Variants in CSPP1 observed in about 807,000 individuals in gnomAD.
CSPP1 encodes the protein centrosome and spindle pole-associated protein 1.
Under a neutral mutation model 164.4 loss-of-function variants are expected in CSPP1, and 126 were observed. The ratio of observed to expected loss-of-function variants is 0.77; its 90% CI spans 0.66 to 0.89. CSPP1 has a LOEUF of 0.89. CSPP1 is among the 40% of genes least tolerant of loss of function. CSPP1 has a pLI of 0.00. For synonymous variants in CSPP1, 472 were observed against 476.7 expected, an observed-to-expected ratio of 0.99 and a Z score of 0.13; for missense variants, 1,395 against 1,449.8, an observed-to-expected ratio of 0.96 and a Z score of 0.61.
chr8:67,175,673 A>G, intron 26 of CSPP1: 1 of 632,146 alleles, frequency 1.6e-6, no homozygotes, highest in Non-Finnish European at 2.9e-6. Context: ...CACTGTAGCC[A>G]GGAGGACTGA....
intron 4 of CSPP1, among the ~76,000 whole-genome samples, chr8:67,088,305 T>A (rs149507010): frequency 0.023 from 3,500 of 152,060 alleles, 149 homozygotes; most frequent in African/African-American, 0.08. Flanking sequence ...GGTTTTTTTT[T>A]GAGACAGAGT....
chr8:67,158,424 A>T (rs1827080698), intron 19 of CSPP1, 23 bp from the exon 20 acceptor site: 2 of 1,548,776 alleles, frequency 1.3e-6, no homozygotes, highest in South Asian at 2.4e-5. Context: ...TTACAAGATA[A>T]ATAACTAAGT....
At chr8:67,170,227 C>T (rs994295255) in intron 24 of CSPP1, among the ~76,000 whole-genome samples, 2 of 151,070 alleles carry the variant, frequency 1.3e-5, no homozygotes, top group African/African-American at 4.9e-5. Flanking sequence ...GATGGATCAC[C>T]TGAGGTCAGG....
chr8:67,105,528 C>G (rs754580830), intron 8 of CSPP1, among the ~76,000 whole-genome samples: 4 of 151,936 alleles, frequency 2.6e-5, no homozygotes, highest in Non-Finnish European at 5.9e-5. Flanking sequence ...TTACAGGCCT[C>G]CACCACTGCA....
chr8:67,133,523 A>G (rs1003263505), intron 16 of CSPP1: 1 of 152,232 alleles, frequency 6.6e-6, no homozygotes, highest in Non-Finnish European at 1.5e-5. Flanking sequence ...AAAATACTGT[A>G]TTGCTAAAAA....
chr8:67,167,524 C>T (rs1462586496), intron 24 of CSPP1, among the ~76,000 whole-genome samples: 1 of 151,544 alleles, frequency 6.6e-6, no homozygotes, highest in Non-Finnish European at 1.5e-5. Context: ...GGCGGAGGGG[C>T]TCCTCACTTC....
At chr8:67,113,909 T>A in intron 11 of CSPP1, 47 bp downstream of exon 11, 1 of 1,149,492 alleles carries the variant, frequency 8.7e-7, no homozygotes, top group South Asian at 1.3e-5. Flanking sequence ...CATCAAATGA[T>A]CCTCAAATGT....
chr8:67,065,607 T>G (rs932707215), intron 1 of CSPP1: 2 of 592,672 alleles, frequency 3.4e-6, no homozygotes, highest in African/African-American at 4.0e-5. Context: ...AAATGTCTGC[T>G]GAAATGCTCC....
At chr8:67,078,416 A>ACTGCAAC (rs1310815807) in intron 3 of CSPP1, among the ~76,000 whole-genome samples, 1 of 151,942 alleles carries the variant, frequency 6.6e-6, no homozygotes, top group Non-Finnish European at 1.5e-5. Flanking sequence ...ATCTTGGCTC[A>ACTGCAAC]CTGCAACCTC....
chr8:67,065,808 C>T (rs1341279421), intron 1 of CSPP1, among the ~76,000 whole-genome samples: 4 of 152,152 alleles, frequency 2.6e-5, no homozygotes, highest in Admixed American at 2.0e-4. Flanking sequence ...GAATTACGGC[C>T]CTGAGCCATT....
intron 1 of CSPP1, among the ~76,000 whole-genome samples, chr8:67,070,861 C>T (rs770452818): frequency 4.6e-5 from 7 of 151,590 alleles, no homozygotes; most frequent in Admixed American, 1.3e-4. Flanking sequence ...TGATCCAATC[C>T]TCCTGCCTCA....
chr8:67,194,529 T>C (rs1161001345), intron 30 of CSPP1, among the ~76,000 whole-genome samples: 2 of 152,168 alleles, frequency 1.3e-5, no homozygotes, highest in African/African-American at 4.8e-5. Flanking sequence ...GAATTAATAT[T>C]TAACAGGAAT....
chr8:67,135,830 C>G (rs1452933738), intron 16 of CSPP1: 1 of 152,152 alleles, frequency 6.6e-6, no homozygotes, highest in Non-Finnish European at 1.5e-5. Context: ...ACAAGCCTTT[C>G]CCACTAAGCA....
chr8:67,078,656 C>T (rs1282978973), intron 3 of CSPP1, among the ~76,000 whole-genome samples: 2 of 151,884 alleles, frequency 1.3e-5, no homozygotes, highest in African/African-American at 2.4e-5. Flanking sequence ...CCACTTGTGC[C>T]TGGCCTTCCA....
At chr8:67,189,773 T>C (rs1487686368) in intron 28 of CSPP1, among the ~76,000 whole-genome samples, 2 of 152,176 alleles carry the variant, frequency 1.3e-5, no homozygotes, top group South Asian at 2.1e-4. Context: ...CCCCCAAATA[T>C]ATATAGAAAT....
intron 18 of CSPP1, among the ~76,000 whole-genome samples, chr8:67,151,867 A>T (rs1031377697): frequency 6.6e-6 from 1 of 152,076 alleles, no homozygotes. Flanking sequence ...AGGCAGGCGG[A>T]TCATGAGGCC....
At chr8:67,167,852 ATGGG>A (rs1316124346) in intron 24 of CSPP1, among the ~76,000 whole-genome samples, 1 of 149,344 alleles carries the variant, frequency 6.7e-6, no homozygotes, top group East Asian at 2.1e-4. Flanking sequence ...ATCCCAGACG[ATGGG>A]TGGCCAGGCA....
Position 67,086,015 on chromosome 8 carries a change from T to C in CSPP1, c.208T>C (p.Tyr70His). 1 of 1,358,590 alleles carries C rather than the reference T, an allele frequency of 7.4e-7. No individual in the cohort carries two copies. Among genetic ancestry groups the C allele is most frequent in the East Asian group, 2.3e-5 (1 of 43,530 alleles). 84.2% of individuals were successfully genotyped at this position (1,358,590 alleles called of 1,614,324 possible). ...QQTRGSLGID[Y>H]GLSLPLGEDY... is the part of the protein sequence containing the mutation. ...AGTTGTTTTTTTTCTAGGAATTGAT[T>C]ATGGATTAAGTTTACCACTTGGAGA... is the stretch of plus-strand genomic sequence containing the variant. Residue 70 changes from tyrosine to histidine, a missense_variant, in exon 4 of 31, where the codon TAT becomes CAT. Transcript: ENST00000678616.
chr8:67,170,917 G>A (rs1830338140), intron 24 of CSPP1, among the ~76,000 whole-genome samples: 1 of 151,736 alleles, frequency 6.6e-6, no homozygotes, highest in South Asian at 2.1e-4. Context: ...CTCCTGAGTA[G>A]CTGGGACTAC....
Sources: gnomAD v4.1 joint callset for allele counts (sites outside exome capture counted in the v4.1 genomes callset) on GRCh38, gnomAD v4.1.1 for gene constraint, MANE v1.5 for transcripts, NCBI Gene and HGNC (gene_info 2026-07-23, HGNC 2026-07-21) for gene names.